PCDHGA1: variants seen among roughly 807,000 people sequenced by gnomAD.
The protein encoded by PCDHGA1 is protocadherin gamma-A1.
PCDHGA1 carries 32 observed loss-of-function variants against 58.0 expected under a neutral mutation model. The observed-to-expected ratio is 0.55, with a 90% CI of 0.42 to 0.74. The LOEUF (loss-of-function observed/expected upper bound fraction) is 0.74. Ranked by LOEUF, PCDHGA1 falls within the 30% of genes least tolerant of loss-of-function variation. The pLI is 0.00. For synonymous variants in PCDHGA1, 498 were observed against 501.1 expected, an observed-to-expected ratio of 0.99 and a Z score of 0.08; for missense variants, 1,205 against 1,182.3, an observed-to-expected ratio of 1.02 and a Z score of -0.28.
At chr5:141,498,863 G>A (rs1311199561) in intron 2 of PCDHGA1, among the ~76,000 whole-genome samples, 2 of 151,466 alleles carry the variant, frequency 1.3e-5, no homozygotes, top group South Asian at 2.1e-4. Context: ...AACCCAGGAG[G>A]CGGAGGTTGC....
chr5:141,480,122 C>T (rs576224922), intron 1 of PCDHGA1, among the ~76,000 whole-genome samples: 1 of 151,948 alleles, frequency 6.6e-6, no homozygotes, highest in African/African-American at 2.4e-5. Flanking sequence ...CCTGGCATAT[C>T]ATAACTGTTA....
chr5:141,481,260 A>C (rs2099534771), intron 1 of PCDHGA1, among the ~76,000 whole-genome samples: 1 of 152,166 alleles, frequency 6.6e-6, no homozygotes, highest in Non-Finnish European at 1.5e-5. Context: ...CTAAAAGATC[A>C]CTGTAGGAAG....
At chr5:141,415,772 T>TTTTTTA in intron 1 of PCDHGA1, 1 of 1,332,986 alleles carries the variant, frequency 7.5e-7, no homozygotes, top group Non-Finnish European at 9.6e-7. Flanking sequence ...TTTTTTTTTT[T>TTTTTTA]ACTTTCTGGT....
chr5:141,412,839 G>A, intron 1 of PCDHGA1: 1 of 203,324 alleles, frequency 4.9e-6, no homozygotes, highest in Admixed American at 5.8e-5. Context: ...TTAAAGATAG[G>A]AGTGGAGAAA....
chr5:141,410,399 G>A, intron 1 of PCDHGA1: 1 of 1,614,044 alleles, frequency 6.2e-7, no homozygotes. Flanking sequence ...TGGTCTCTGT[G>A]TCAAGTCTGG....
At chr5:141,371,130 A>G (rs1055242827) in intron 1 of PCDHGA1, 3 of 1,614,014 alleles carry the variant, frequency 1.9e-6, no homozygotes, top group East Asian at 2.2e-5. Context: ...TACTCAGGAC[A>G]TGTACAGGGT....
At position 141,487,570 on chromosome 5, in the gene PCDHGA1, T is replaced by A; in HGVS notation, c.2422-7237T>A. 6.2e-7 allele frequency: 1 copy of A among 1,614,178 alleles called. No homozygotes were observed. On this transcript the variant is annotated intron_variant, in intron 1 of 3. Transcript: ENST00000517417. The surrounding 1 kb of genome is among the most constrained non-coding windows in gnomAD (Gnocchi z 5.0). ...CCAGTGCACCTATGGCAGGGGAGCCTGTTCGCCCAAGCTGCCCACCCTCTG... is the reference window on the plus strand; with the variant it reads ...CCAGTGCACCTATGGCAGGGGAGCCAGTTCGCCCAAGCTGCCCACCCTCTG...
At chr5:141,508,823 G>A (rs1445894402) in intron 3 of PCDHGA1, among the ~76,000 whole-genome samples, 1 of 151,966 alleles carries the variant, frequency 6.6e-6, no homozygotes, top group Admixed American at 6.6e-5. Flanking sequence ...GCCAGATCTG[G>A]GCCCCCCTCC....
intron 1 of PCDHGA1, chr5:141,375,579 C>A: frequency 6.2e-7 from 1 of 1,614,114 alleles, no homozygotes; most frequent in Non-Finnish European, 8.5e-7. Flanking sequence ...CTCCAGGGGG[C>A]GCCCCTGTCC....
At chr5:141,375,358 G>C in intron 1 of PCDHGA1, 1 of 1,613,810 alleles carries the variant, frequency 6.2e-7, no homozygotes, top group Non-Finnish European at 8.5e-7. Context: ...TGACAGCCAC[G>C]GACAAAGGAA....
chr5:141,485,980 G>C lies in PCDHGA1; in HGVS notation c.2422-8827G>C, dbSNP rs151239937. 1 of 1,614,020 alleles carries C rather than the reference G, an allele frequency of 6.2e-7. No individual in the cohort carries two copies. The highest frequency in any genetic ancestry group is 1.3e-5 in the African/African-American group (1 of 74,914). The stretch of plus-strand genomic sequence containing the variant: ...TCATCCAGCTCAATGCCTCAGACCC[G>C]GACCTGGGTCCCAGTGGTAACGTCA... On this transcript the variant is annotated intron_variant, in intron 1 of 3. Transcript: ENST00000517417. The surrounding 1 kb of genome is among the most constrained non-coding windows in gnomAD (Gnocchi z 5.7).
chr5:141,413,054 A>G (rs2095600698), intron 1 of PCDHGA1: 1 of 981,614 alleles, frequency 1.0e-6, no homozygotes, highest in African/African-American at 1.6e-5. Flanking sequence ...AGGGAAGCTC[A>G]CTCCAGAATT....
chr5:141,451,676 G>C (rs1363843426), intron 1 of PCDHGA1, among the ~76,000 whole-genome samples: 1 of 152,142 alleles, frequency 6.6e-6, no homozygotes, highest in African/African-American at 2.4e-5. Context: ...GAGCCCAGGA[G>C]TTCAAGACCA....
Position 141,477,203 on chromosome 5 carries a change from G to T in PCDHGA1, c.2422-17604G>T. On this transcript the variant is annotated intron_variant, in intron 1 of 3. Coordinates refer to ENST00000517417, the MANE Select transcript of PCDHGA1 (RefSeq NM_018912.3). The surrounding 1 kb of genome is among the most constrained non-coding windows in gnomAD (Gnocchi z 4.9). ...CACCTCCGTGTACAGCCCAGTACCC[G>T]AGGATGCCCCTCTGGGGACTGTCAT... 1 of 1,614,176 alleles carries T rather than the reference G, an allele frequency of 6.2e-7. No individual in the cohort carries two copies. The highest frequency in any genetic ancestry group is 1.1e-5 in the South Asian group (1 of 91,082).
At position 141,431,914 on chromosome 5, in the gene PCDHGA1, C is replaced by A. The variant is rs745837291; in HGVS notation, c.2422-62893C>A. 6.2e-7 allele frequency: 1 copy of A among 1,613,912 alleles called. No individual in the cohort carries two copies. Among genetic ancestry groups the A allele is most frequent in the African/African-American group, 1.3e-5 (1 of 75,070 alleles). On this transcript the variant is annotated intron_variant, in intron 1 of 3. Transcript: ENST00000517417. The surrounding 1 kb of genome is among the most constrained non-coding windows in gnomAD (Gnocchi z 4.8). ...AGGAAAACGGACAGGTGATCTGTTT[C>A]ATCCAAGGAAATCTGCCCTTTAAAT...
chr5:141,476,306 C>T lies in PCDHGA1; in HGVS notation c.2422-18501C>T, dbSNP rs1011265476. The T allele has an allele frequency of 1.2e-6, 2 of 1,613,464 alleles. No homozygotes were observed. Among genetic ancestry groups the T allele is most frequent in the African/African-American group, 2.7e-5 (2 of 74,688 alleles). On this transcript the variant is annotated intron_variant, in intron 1 of 3. Transcript: ENST00000517417. The surrounding 1 kb of genome is among the most constrained non-coding windows in gnomAD (Gnocchi z 7.6). ...TTTGGATCTCGGTAGCCTCTCAGCCCGCAGGTTCCGGGTGGTGTCTGGAGC... is the reference window on the plus strand; with the variant it reads ...TTTGGATCTCGGTAGCCTCTCAGCCTGCAGGTTCCGGGTGGTGTCTGGAGC...
intron 1 of PCDHGA1, chr5:141,362,282 G>T (rs750712376): frequency 1.2e-6 from 2 of 1,613,920 alleles, no homozygotes; most frequent in Non-Finnish European, 1.7e-6. Flanking sequence ...CTGCGCCTGC[G>T]ACTCTCTTCC....
rs979750945 is a variant in PCDHGA1 at position 141,478,807 on chromosome 5, A to G, written c.2422-16000A>G. The G allele has an allele frequency of 3.4e-6, 5 of 1,459,258 alleles. No homozygotes were observed. The African/African-American group carries it at 5.7e-5, about 17-fold the overall frequency. 90.4% of individuals were successfully genotyped at this position (1,459,258 alleles called of 1,614,324 possible). On this transcript the variant is annotated intron_variant, in intron 1 of 3. Transcript: ENST00000517417. The stretch of plus-strand genomic sequence containing the variant: ...TTCACATCCTCAGCACTCTTTTGCT[A>G]TCACAACTAACCAATCTTGCTAAGG...
chr5:141,455,961 G>C (rs1447678052), intron 1 of PCDHGA1, among the ~76,000 whole-genome samples: 1 of 150,954 alleles, frequency 6.6e-6, no homozygotes, highest in African/African-American at 2.4e-5. Context: ...GCAGTGGCGC[G>C]ATCTCAGCTC....
Sources: gnomAD v4.1 joint callset for allele counts (sites outside exome capture counted in the v4.1 genomes callset) on GRCh38, gnomAD v4.1.1 for gene constraint, Gnocchi (gnomAD v3.1) non-coding constraint, MANE v1.5 for transcripts, NCBI Gene and HGNC (gene_info 2026-07-23, HGNC 2026-07-21) for gene names.